The following HASPIN variants were observed in gnomAD, a reference collection of about 807,000 sequenced individuals.
HASPIN encodes serine/threonine-protein kinase haspin.
A neutral mutation model predicts 28.8 loss-of-function variants in HASPIN; 24 were observed. The ratio of observed to expected loss-of-function variants is 0.83; its 90% CI spans 0.60 to 1.17. The LOEUF (loss-of-function observed/expected upper bound fraction) is 1.17. HASPIN is among the 50% of genes most tolerant of loss of function. The pLI is 0.00. For synonymous variants in HASPIN, 440 were observed against 413.1 expected (o/e 1.07, Z -0.79); for missense variants, 1,016 against 1,018.5 (o/e 1.00, Z 0.03).
In HASPIN at chr17:3,725,033, G is replaced by A. The variant is rs2051174501; in HGVS notation, c.1098G>A (p.Ser366=). The A allele has an allele frequency of 6.2e-7, 1 of 1,614,170 alleles. No homozygotes were observed. Among genetic ancestry groups the A allele is most frequent in the Non-Finnish European group, 8.5e-7 (1 of 1,180,040 alleles). Residue 366 remains serine (S), a synonymous_variant, in exon 1 of 1, where the codon TCG becomes TCA. Coordinates refer to ENST00000325418, the MANE Select transcript of HASPIN (RefSeq NM_031965.2). ...FKKGQKLGKD[S]FPTQDLTPLQ... ...AGGGCCAAAAGCTGGGAAAAGATTC[G>A]TTCCCCACCCAGGACCTGACTCCTT...
In HASPIN at chr17:3,726,209, CA is replaced by C. The variant is rs1168424853; in HGVS notation, c.2276del (p.Lys759ArgfsTer9). On this transcript the variant is annotated frameshift_variant, in exon 1 of 1. Transcript: ENST00000325418. LOFTEE classifies it high-confidence loss of function. ...ACAAGATGCTGAAACAAATGACCTT[CA>C]AGACTAAATGTAACACTCCTGCCAT... is the stretch of plus-strand genomic sequence containing the variant. Reference protein sequence around the residue: ...TDKMLKQMTFKTKCNTPAMKQ... With the variant: ...TDKMLKQMTFXTKCNTPAMKQ... The C allele has an allele frequency of 6.2e-7, 1 of 1,614,042 alleles. No homozygotes were observed. The highest frequency in any genetic ancestry group is 8.5e-7 in the Non-Finnish European group (1 of 1,180,014).
Position 3,723,923 on chromosome 17 carries a change from G to A in HASPIN, c.-13G>A. The A allele has an allele frequency of 6.5e-7, 1 of 1,542,824 alleles. No individual in the cohort carries two copies. The highest frequency in any genetic ancestry group is 1.4e-5 in the African/African-American group (1 of 72,194). On this transcript the variant is annotated 5_prime_UTR_variant, in exon 1 of 1. Coordinates refer to ENST00000325418, the MANE Select transcript of HASPIN (RefSeq NM_031965.2). ...GCGATGTTTGCGTTTGAACCTCTTG[G>A]CGGGTGCCGGCCATGGCGGCTTCGC... is the stretch of plus-strand genomic sequence containing the variant.
At position 3,725,012 on chromosome 17, in the gene HASPIN, C is replaced by A. The variant is rs1351425046; in HGVS notation, c.1077C>A (p.Gly359=). Residue 359 remains glycine (G), a synonymous_variant, in exon 1 of 1, where the codon GGC becomes GGA. Transcript: ENST00000325418. The part of the protein sequence containing the change: ...SLLHSHRFKK[G]QKLGKDSFPT... Reference sequence around the variant, plus strand: ...TCCATTCCCACCGCTTTAAAAAGGGCCAAAAGCTGGGAAAAGATTCGTTCC... The same window carrying A: ...TCCATTCCCACCGCTTTAAAAAGGGACAAAAGCTGGGAAAAGATTCGTTCC... The A allele has an allele frequency of 6.2e-7, 1 of 1,614,150 alleles. No homozygotes were observed. Among genetic ancestry groups the A allele is most frequent in the Non-Finnish European group, 8.5e-7 (1 of 1,180,030 alleles).
Position 3,724,452 on chromosome 17 carries a change from G to A in HASPIN, c.517G>A (p.Ala173Thr). The A allele has an allele frequency of 1.2e-6, 2 of 1,613,666 alleles. No homozygotes were observed. Among genetic ancestry groups the A allele is most frequent in the Non-Finnish European group, 1.7e-6 (2 of 1,179,996 alleles). Residue 173 changes from alanine to threonine, a missense_variant, in exon 1 of 1, where the codon GCC becomes ACC. Coordinates refer to ENST00000325418, the MANE Select transcript of HASPIN (RefSeq NM_031965.2). ...CAGTGCCTCCCTGTTCAGCTCTCTG[G>A]CCTCGCCCTGCCCCGGGTCCCCAAC... is the stretch of plus-strand genomic sequence containing the variant. ...GISASLFSSL[A>T]SPCPGSPTPR...
In HASPIN at chr17:3,726,448, C is replaced by T; in HGVS notation, c.*116C>T. On this transcript the variant is annotated 3_prime_UTR_variant, in exon 1 of 1. Transcript: ENST00000325418. ...ACTCCCATTCTCACAGGTTTCCAGTCAGCTTTTCAAACAAGAATTTTGTTT... is the reference window on the plus strand; with the variant it reads ...ACTCCCATTCTCACAGGTTTCCAGTTAGCTTTTCAAACAAGAATTTTGTTT... The T allele has an allele frequency of 1.4e-6, 1 of 694,694 alleles. No homozygotes were observed. The highest frequency in any genetic ancestry group is 2.5e-6 in the Non-Finnish European group (1 of 404,296). The allele number at this position is 694,694 out of a possible 1,614,324, so 43.0% of individuals were successfully genotyped here. A position where few individuals can be genotyped will look rare whatever the true frequency, so the allele number is the denominator to read the frequency against.
Position 3,724,410 on chromosome 17 carries a change from G to A in HASPIN, c.475G>A (p.Gly159Ser). The A allele has an allele frequency of 1.2e-6, 2 of 1,612,080 alleles. No homozygotes were observed. Among genetic ancestry groups the A allele is most frequent in the Non-Finnish European group, 1.7e-6 (2 of 1,179,592 alleles). ...DLSVCGQPRD[G>S]DELGISASLF... ...CAGCGTGTGCGGCCAGCCCAGGGAC[G>A]GCGACGAGCTGGGCATCAGTGCCTC... Residue 159 changes from glycine to serine, a missense_variant, in exon 1 of 1, where the codon GGC (glycine) becomes AGC (serine). Transcript: ENST00000325418.
rs1334681647 is a variant in HASPIN, at chr17:3,724,002, A to C, written c.67A>C (p.Arg23=). 4.4e-6 allele frequency: 7 copies of C among 1,594,736 alleles called. No homozygotes were observed. The highest frequency in any genetic ancestry group is 6.0e-6 in the Non-Finnish European group (7 of 1,174,290). ...CACATATGGGGCTGCGGACGGCAGG[A>C]GACAGCGGCGGCCGGGCCGGGAAGC... The part of the protein sequence containing the change: ...FRTYGAADGR[R]QRRPGREAAQ... Residue 23 remains arginine (R), a synonymous_variant, in exon 1 of 1, where the codon AGA becomes CGA. Transcript: ENST00000325418.
chr17:3,726,657 T>C lies in HASPIN; in HGVS notation c.*325T>C, dbSNP rs2051220601. The C allele has an allele frequency of 4.1e-6, 1 of 241,018 alleles. No homozygotes were observed. Among genetic ancestry groups the C allele is most frequent in the Non-Finnish European group, 7.8e-6 (1 of 127,480 alleles). 14.9% of individuals were successfully genotyped at this position (241,018 alleles called of 1,614,324 possible). A position where few individuals can be genotyped will look rare whatever the true frequency, so the allele number is the denominator to read the frequency against. ...AGCCTGGTCAACATAGCAAGACCCC[T>C]GTCTCTATTTTTTTAAATAAATAAA... On this transcript the variant is annotated 3_prime_UTR_variant, in exon 1 of 1. Transcript: ENST00000325418.
In HASPIN at chr17:3,725,139, G is replaced by A; in HGVS notation, c.1204G>A (p.Val402Ile). 6.2e-7 allele frequency: 1 copy of A among 1,614,168 alleles called. No homozygotes were observed. Among genetic ancestry groups the A allele is most frequent in the Non-Finnish European group, 8.5e-7 (1 of 1,180,024 alleles). Residue 402 changes from valine (V) to isoleucine (I), a missense_variant, in exon 1 of 1, where the codon GTC becomes ATC. This residue lies in a region of HASPIN where 881 missense variants were observed against 845.5 expected (regional missense o/e 1.04). Coordinates refer to ENST00000325418, the MANE Select transcript of HASPIN (RefSeq NM_031965.2). ...KKKIVTDVSE[V>I]CSIYTTATSL... Reference sequence around the variant, plus strand: ...GAAAATTGTGACTGATGTGTCAGAGGTCTGCAGCATCTATACCACTGCCAC... The same window carrying A: ...GAAAATTGTGACTGATGTGTCAGAGATCTGCAGCATCTATACCACTGCCAC...
chr17:3,724,328 C>T lies in HASPIN; in HGVS notation c.393C>T (p.Gly131=). 1 of 1,588,570 alleles carries T rather than the reference C, an allele frequency of 6.3e-7. No individual in the cohort carries two copies. Among genetic ancestry groups the T allele is most frequent in the Non-Finnish European group, 8.5e-7 (1 of 1,173,284 alleles). ...CGCAGAAGTGCAGCACACCCTGCGG[C>T]CCGCTCCGACTTCCGCCCTTCCCCA... ...RPPQKCSTPC[G]PLRLPPFPSR... Residue 131 remains glycine (G), a synonymous_variant, in exon 1 of 1, where the codon GGC becomes GGT. Transcript: ENST00000325418.
At position 3,724,447 on chromosome 17, in the gene HASPIN, C is replaced by T. The variant is rs138537888; in HGVS notation, c.512C>T (p.Ser171Phe). Residue 171 changes from serine to phenylalanine, a missense_variant, in exon 1 of 1, where the codon TCT becomes TTT. Ser to Phe is a radical substitution (Grantham distance 155, BLOSUM62 -2). This residue lies in a region of HASPIN where 881 missense variants were observed against 845.5 expected (regional missense o/e 1.04). Coordinates refer to ENST00000325418, the MANE Select transcript of HASPIN (RefSeq NM_031965.2). Reference sequence around the variant, plus strand: ...GGCATCAGTGCCTCCCTGTTCAGCTCTCTGGCCTCGCCCTGCCCCGGGTCC... The same window carrying T: ...GGCATCAGTGCCTCCCTGTTCAGCTTTCTGGCCTCGCCCTGCCCCGGGTCC... Reference protein sequence around the residue: ...ELGISASLFSSLASPCPGSPT... With the variant: ...ELGISASLFSFLASPCPGSPT... 1 of 1,613,682 alleles carries T rather than the reference C, an allele frequency of 6.2e-7. No homozygotes were observed. Among genetic ancestry groups the T allele is most frequent in the South Asian group, 1.1e-5 (1 of 91,076 alleles).
rs144742149 is a variant in HASPIN, at chr17:3,724,761, G to A, written c.826G>A (p.Val276Met). 3.1e-6 allele frequency: 5 copies of A among 1,614,092 alleles called. No homozygotes were observed. In the African/African-American group the frequency reaches 6.7e-5, roughly 22 times the overall value. The change falls in exon 1 of 1, where the codon GTG (valine) becomes ATG (methionine). Residue 276 changes from valine (V) to methionine (M), a missense_variant. By Grantham distance (21) the Val-to-Met change is conservative. Around this residue, in one of 3 missense-constraint regions of HASPIN, gnomAD observed 881 missense variants for 845.5 expected, o/e 1.04. Transcript: ENST00000325418. ...MRESCCKRKL[V>M]VGNGPEGPGL... ...AGAGTCCTGCTGTAAAAGGAAACTG[G>A]TGGTGGGAAATGGACCAGAGGGTCC...
In HASPIN at chr17:3,725,095, C is replaced by T. The variant is rs2051176218; in HGVS notation, c.1160C>T (p.Ser387Phe). ...NVCFWTKTRA[S>F]FSFHKKKIVT... Reference sequence around the variant, plus strand: ...TGCTTTTGGACCAAAACCAGGGCTTCCTTCAGTTTCCACAAGAAGAAAATT... The same window carrying T: ...TGCTTTTGGACCAAAACCAGGGCTTTCTTCAGTTTCCACAAGAAGAAAATT... The change falls in exon 1 of 1, where the codon TCC becomes TTC. Residue 387 changes from serine (S) to phenylalanine (F), a missense_variant. Coordinates refer to ENST00000325418, the MANE Select transcript of HASPIN (RefSeq NM_031965.2). 2 of 1,614,108 alleles carry T rather than the reference C, an allele frequency of 1.2e-6. No individual in the cohort carries two copies. Among genetic ancestry groups the T allele is most frequent in the Non-Finnish European group, 1.7e-6 (2 of 1,180,032 alleles).
In HASPIN at chr17:3,726,008, G is replaced by C. The variant is rs767993323; in HGVS notation, c.2073G>C (p.Ser691=). Residue 691 remains serine, a synonymous_variant, in exon 1 of 1, where the codon TCG becomes TCC. Transcript: ENST00000325418. The part of the protein sequence containing the change: ...LQVSIIDYTL[S]RLERDGIVVF... ...TGAGCATCATTGACTACACCCTGTC[G>C]CGCTTGGAACGGGATGGGATTGTGG... 1.2e-6 allele frequency: 2 copies of C among 1,614,012 alleles called. No individual in the cohort carries two copies. Among genetic ancestry groups the C allele is most frequent in the East Asian group, 2.2e-5 (1 of 44,888 alleles).
At position 3,725,828 on chromosome 17, in the gene HASPIN, G is replaced by T; in HGVS notation, c.1893G>T (p.Gln631His). 1 of 1,612,170 alleles carries T rather than the reference G, an allele frequency of 6.2e-7. No homozygotes were observed. The part of the protein sequence containing the change: ...SLATAKSILH[Q>H]LTASLAVAEA... ...CTACTGCAAAGAGCATTCTACACCA[G>T]CTCACAGCCTCCCTCGCAGTGGCAG... The change falls in exon 1 of 1, where the codon CAG becomes CAT. Residue 631 changes from glutamine to histidine, a missense_variant. Physicochemically the swap from Gln to His is conservative, Grantham distance 24. Transcript: ENST00000325418.
rs766386347 is a variant in HASPIN, at chr17:3,724,323, T to A, written c.388T>A (p.Cys130Ser). ...GCCCCCGCAGAAGTGCAGCACACCC[T>A]GCGGCCCGCTCCGACTTCCGCCCTT... ...ARPPQKCSTP[C>S]GPLRLPPFPS... Residue 130 changes from cysteine (C) to serine (S), a missense_variant, in exon 1 of 1, where the codon TGC becomes AGC. This residue lies in a region of HASPIN where 881 missense variants were observed against 845.5 expected (regional missense o/e 1.04). Coordinates refer to ENST00000325418, the MANE Select transcript of HASPIN (RefSeq NM_031965.2). 1 of 1,587,482 alleles carries A rather than the reference T, an allele frequency of 6.3e-7. No individual in the cohort carries two copies. Among genetic ancestry groups the A allele is most frequent in the Non-Finnish European group, 8.5e-7 (1 of 1,173,054 alleles).
In HASPIN at chr17:3,724,139, C is replaced by T; in HGVS notation, c.204C>T (p.Asp68=). The change falls in exon 1 of 1, where the codon GAC becomes GAT. Residue 68 remains aspartate (D), a synonymous_variant. Transcript: ENST00000325418. ...SQSDDPDDPD[D]PDFPGSPVRR... is the part of the protein sequence containing the mutation. ...CCGACGATCCTGACGATCCCGACGA[C>T]CCCGACTTCCCCGGCAGCCCGGTGA... 1 of 1,595,286 alleles carries T rather than the reference C, an allele frequency of 6.3e-7. No individual in the cohort carries two copies. The highest frequency in any genetic ancestry group is 2.2e-5 in the East Asian group (1 of 44,620).
Position 3,724,896 on chromosome 17 carries a change from G to C in HASPIN, c.961G>C (p.Gly321Arg). 1 of 1,613,546 alleles carries C rather than the reference G, an allele frequency of 6.2e-7. No individual in the cohort carries two copies. The highest frequency in any genetic ancestry group is 8.5e-7 in the Non-Finnish European group (1 of 1,179,804). Residue 321 changes from glycine to arginine, a missense_variant, in exon 1 of 1, where the codon GGC (glycine) becomes CGC (arginine). Coordinates refer to ENST00000325418, the MANE Select transcript of HASPIN (RefSeq NM_031965.2). ...REHQEASVPK[G>R]RIVPRGIDRL... ...GCATCAGGAGGCCAGTGTTCCCAAG[G>C]GCCGCATTGTGCCAAGGGGAATAGA...
chr17:3,725,747 A>AT lies in HASPIN; in HGVS notation c.1815dup (p.Glu606Ter). 1 of 1,584,914 alleles carries AT rather than the reference A, an allele frequency of 6.3e-7. No individual in the cohort carries two copies. Among genetic ancestry groups the AT allele is most frequent in the Non-Finnish European group, 8.6e-7 (1 of 1,164,836 alleles). ...ACGACCAGCTCTTCATTGTGCTGGA[A>AT]TTTGAGTTTGGAGGGATTGACTTAG... On this transcript the variant is annotated frameshift_variant, in exon 1 of 1. Transcript: ENST00000325418. LOFTEE classifies it high-confidence loss of function.
Sources: gnomAD v4.1 joint callset for allele counts on GRCh38, gnomAD v4.1.1 for gene constraint, gnomAD v4.1.1 regional missense constraint, MANE v1.5 for transcripts, NCBI Gene and HGNC (gene_info 2026-07-23, HGNC 2026-07-21) for gene names.